Variants in IWS1 observed in about 807,000 individuals in gnomAD.
The protein encoded by IWS1 is interacts with SUPT6H, CTD assembly factor 1.
Under a neutral mutation model 86.7 loss-of-function variants are expected in IWS1, and 27 were observed. The observed-to-expected ratio is 0.31, with a 90% CI of 0.23 to 0.43. IWS1 has a LOEUF of 0.43. IWS1 is among the 20% of genes least tolerant of loss of function. The pLI, the probability that IWS1 is intolerant of heterozygous loss-of-function variation, is 1.00. For missense variants in IWS1, 827 were observed against 1,000.8 expected (o/e 0.83, Z 2.34); for synonymous variants, 313 against 335.1 (o/e 0.93, Z 0.72).
chr2:127,526,619 G>A (rs766123040), upstream of IWS1: 23 of 1,346,678 alleles, frequency 1.7e-5, no homozygotes, highest in East Asian at 6.2e-4. Flanking sequence ...GCTGGAACTC[G>A]GGCTTTAGTT....
intron 9 of IWS1, chr2:127,493,051 C>T (rs781282654): frequency 2.0e-4 from 66 of 337,174 alleles, no homozygotes; most frequent in Non-Finnish European, 3.0e-4. Flanking sequence ...TCTTCTCAGA[C>T]ACATTACAGC....
intron 12 of IWS1, among the ~76,000 whole-genome samples, chr2:127,486,964 C>T (rs1368750362): frequency 1.3e-5 from 2 of 152,172 alleles, no homozygotes; most frequent in East Asian, 3.9e-4. Context: ...CCTTCCAAGG[C>T]TAGTCCCGCC....
intron 2 of IWS1, among the ~76,000 whole-genome samples, chr2:127,507,542 G>A (rs964693701): frequency 5.3e-5 from 8 of 152,102 alleles, no homozygotes; most frequent in African/African-American, 1.4e-4. Flanking sequence ...CTATTAAAAC[G>A]GTATTAGGAC....
chr2:127,486,489 G>A lies in IWS1; in HGVS notation c.2328+64C>T. 2.6e-6 allele frequency: 3 copies of A among 1,137,440 alleles called. No homozygotes were observed. In the South Asian group the frequency reaches 3.7e-5, roughly 14 times the overall value. 70.5% of individuals were successfully genotyped at this position (1,137,440 alleles called of 1,614,324 possible). Reference sequence around the variant, plus strand: ...AGAGCTACAAGGGTTATTAACACATGAAGTAAAGAGTCAAACAGTAATCTG... The same window carrying A: ...AGAGCTACAAGGGTTATTAACACATAAAGTAAAGAGTCAAACAGTAATCTG... On this transcript the variant is annotated intron_variant, in intron 13 of 13. Transcript: ENST00000295321.
chr2:127,513,104 G>T (rs1468001858), intron 2 of IWS1, among the ~76,000 whole-genome samples: 1 of 152,226 alleles, frequency 6.6e-6, no homozygotes, highest in African/African-American at 2.4e-5. Flanking sequence ...AGCTGGGTGT[G>T]GTGGCGCATG....
At position 127,526,475 on chromosome 2, in the gene IWS1, G is replaced by T; in HGVS notation, c.-267C>A. The stretch of plus-strand genomic sequence containing the variant: ...TCTACTTCCTAGAAGCACCGCTGGG[G>T]CCAAAATGGCGTCTGCCCACGACCC... On this transcript the variant is annotated 5_prime_UTR_variant, in exon 1 of 14. Transcript: ENST00000295321. 6.6e-7 allele frequency: 1 copy of T among 1,525,216 alleles called. No individual in the cohort carries two copies. The highest frequency in any genetic ancestry group is 8.8e-7 in the Non-Finnish European group (1 of 1,133,040). The allele number at this position is 1,525,216 out of a possible 1,614,324, so 94.5% of individuals were successfully genotyped here. A position where few individuals can be genotyped will look rare whatever the true frequency, so the allele number is the denominator to read the frequency against.
At position 127,481,100 on chromosome 2, in the gene IWS1, T is replaced by C; in HGVS notation, c.2404A>G (p.Ser802Gly). 1.2e-6 allele frequency: 2 copies of C among 1,611,848 alleles called. No homozygotes were observed. The highest frequency in any genetic ancestry group is 1.7e-6 in the Non-Finnish European group (2 of 1,179,198). Reference protein sequence around the residue: ...MRKFTDIRKKSRSAHAVKISI... With the variant: ...MRKFTDIRKKGRSAHAVKISI... ...ATTTTCACTGCGTGTGCAGATCTGC[T>C]TTTTTTCCTTATATCTGTGAACTTT... Residue 802 changes from serine to glycine, a missense_variant, in exon 14 of 14, where the codon AGC (serine) becomes GGC (glycine). Transcript: ENST00000295321.
chr2:127,521,040 A>T (rs1692066118), intron 2 of IWS1, among the ~76,000 whole-genome samples: 1 of 152,232 alleles, frequency 6.6e-6, no homozygotes, highest in African/African-American at 2.4e-5. Flanking sequence ...CCGGTGGATT[A>T]CAAGGTCAGG....
intron 1 of IWS1, among the ~76,000 whole-genome samples, chr2:127,525,763 T>A (rs1692370382): frequency 6.6e-6 from 1 of 152,178 alleles, no homozygotes; most frequent in Non-Finnish European, 1.5e-5. Context: ...TGCACTTACG[T>A]CCGGTGTTGC....
rs369537903 is a variant in IWS1 at position 127,515,713 on chromosome 2, C to T, written c.150+7963G>A. ...TAACGGCAAAGGGCAAATGAAGAAA[C>T]GCCTACACAAATTCCACAAGAGAGA... On this transcript the variant is annotated intron_variant, in intron 2 of 13. Transcript: ENST00000295321. Among the ~76,000 whole-genome samples, 13 of 152,138 alleles carry T rather than the reference C, an allele frequency of 8.5e-5. No homozygotes were observed. In the East Asian group the frequency reaches 9.6e-4, roughly 11 times the overall value.
chr2:127,506,734 G>A (rs570267524), intron 2 of IWS1: 3 of 168,816 alleles, frequency 1.8e-5, no homozygotes, highest in African/African-American at 7.2e-5. Context: ...AAACAAGAAA[G>A]CTTAAGTTTT....
intron 6 of IWS1, among the ~76,000 whole-genome samples, chr2:127,497,231 CG>C (rs1489513977): frequency 6.6e-6 from 1 of 152,120 alleles, no homozygotes; most frequent in African/African-American, 2.4e-5. Context: ...GCTAATAGCC[CG>C]GAACTTTTCA....
intron 2 of IWS1, among the ~76,000 whole-genome samples, chr2:127,522,203 C>T (rs1692136337): frequency 6.6e-6 from 1 of 152,172 alleles, no homozygotes; most frequent in Non-Finnish European, 1.5e-5. Flanking sequence ...ATCAAGCACA[C>T]TCTCACCTTG....
chr2:127,480,943 C>A lies in IWS1; in HGVS notation c.*101G>T. On this transcript the variant is annotated 3_prime_UTR_variant, in exon 14 of 14. Coordinates refer to ENST00000295321, the MANE Select transcript of IWS1 (RefSeq NM_017969.3). ...ATGACAACATCTGATACACGCTGAA[C>A]CATTTACAGACACACTAAAAATGTT... The A allele has an allele frequency of 7.7e-7, 1 of 1,303,176 alleles. No homozygotes were observed. Among genetic ancestry groups the A allele is most frequent in the South Asian group, 1.5e-5 (1 of 66,626 alleles). 80.7% of individuals were successfully genotyped at this position (1,303,176 alleles called of 1,614,324 possible).
intron 6 of IWS1, among the ~76,000 whole-genome samples, chr2:127,497,247 C>T (rs1489416215): frequency 2.6e-5 from 4 of 152,218 alleles, no homozygotes; most frequent in East Asian, 3.8e-4. Flanking sequence ...TTTTCATGCA[C>T]TATATTCACA....
intron 2 of IWS1, among the ~76,000 whole-genome samples, chr2:127,516,871 G>C (rs1691804960): frequency 6.7e-6 from 1 of 149,810 alleles, no homozygotes; most frequent in Non-Finnish European, 1.5e-5. Flanking sequence ...GATAGACTAT[G>C]TGCTAGGCCC....
At chr2:127,484,330 A>C (rs1215035336) in intron 13 of IWS1, 2 of 151,764 alleles carry the variant, frequency 1.3e-5, no homozygotes, top group African/African-American at 4.8e-5. Flanking sequence ...AAACAAAAAC[A>C]AAAAACAAAA....
chr2:127,526,721 CT>C, upstream of IWS1: 1 of 1,293,854 alleles, frequency 7.7e-7, no homozygotes, highest in African/African-American at 1.5e-5. Flanking sequence ...GTGTCCGTGC[CT>C]TGTTTGAAGA....
chr2:127,498,060 T>C (rs1690608691), intron 6 of IWS1, 80 bp downstream of exon 6: 2 of 1,136,026 alleles, frequency 1.8e-6, no homozygotes, highest in Non-Finnish European at 2.6e-6. Context: ...GGAACCAAAA[T>C]GAAAAACAAA....
Sources: allele counts gnomAD v4.1 joint callset (sites outside exome capture counted in the v4.1 genomes callset), GRCh38; gene constraint gnomAD v4.1.1; transcripts MANE v1.5; gene names NCBI Gene and HGNC (gene_info 2026-07-23, HGNC 2026-07-21).